CEP164: variants seen among roughly 807,000 people sequenced by gnomAD.
CEP164 encodes the protein centrosomal protein of 164 kDa.
A neutral mutation model predicts 182.7 loss-of-function variants in CEP164; 162 were observed. That is an observed-to-expected ratio of 0.89 (90% CI 0.78 to 1.01). CEP164 has a LOEUF of 1.01. Among genes scored for constraint, CEP164 ranks in the 50% least tolerant of loss-of-function variants. The pLI is 0.00. For missense variants in CEP164, 1,735 were observed against 1,790.4 expected (o/e 0.97, Z 0.56); for synonymous variants, 661 against 690.0 (o/e 0.96, Z 0.66).
rs117754274 is a variant in CEP164, at chr11:117,354,531, G to C, written c.393+2543G>C. On this transcript the variant is annotated intron_variant, in intron 5 of 32. Coordinates refer to ENST00000278935, the MANE Select transcript of CEP164 (RefSeq NM_014956.5). Reference sequence around the variant, plus strand: ...TGGGTCTTTGTGACGCCTCTTCTCTGTCACATGCACAATATAGTACCCCGA... The same window carrying C: ...TGGGTCTTTGTGACGCCTCTTCTCTCTCACATGCACAATATAGTACCCCGA... Among the ~76,000 whole-genome samples the C allele has an allele frequency of 9.4e-3, 1,426 of 152,178 alleles. 9 individuals carry two copies. The highest frequency in any genetic ancestry group is 0.015 in the Non-Finnish European group (998 of 68,016).
chr11:117,334,185 G>A (rs1020370134), intron 1 of CEP164, among the ~76,000 whole-genome samples: 2 of 152,156 alleles, frequency 1.3e-5, no homozygotes, highest in South Asian at 2.1e-4. Flanking sequence ...CATCTCTAGC[G>A]CCTAGAAATA....
At chr11:117,347,998 C>T (rs918805083) in intron 4 of CEP164, among the ~76,000 whole-genome samples, 5 of 151,980 alleles carry the variant, frequency 3.3e-5, no homozygotes, top group African/African-American at 1.2e-4. Context: ...GAGATAGAGT[C>T]TTGCTCTGTC....
chr11:117,345,634 C>T lies in CEP164; in HGVS notation c.194+1357C>T, dbSNP rs548336706. On this transcript the variant is annotated intron_variant, in intron 4 of 32. Transcript: ENST00000278935. ...ATTACAGTTGTCGCCTTACTGTCAG[C>T]TGAAGAATCACAGTCCTTCTAGCTT... Among the ~76,000 whole-genome samples the T allele has an allele frequency of 2.7e-5, 4 of 146,758 alleles. No individual in the cohort carries two copies. In the South Asian group the frequency reaches 8.7e-4, roughly 32 times the overall value.
At chr11:117,329,627 A>T (rs2035873785) in intron 1 of CEP164, among the ~76,000 whole-genome samples, 1 of 152,078 alleles carries the variant, frequency 6.6e-6, no homozygotes, top group Non-Finnish European at 1.5e-5. Flanking sequence ...CTGCAGTCTC[A>T]GTCTCCTGGG....
chr11:117,349,290 C>T (rs1003951620), intron 4 of CEP164, among the ~76,000 whole-genome samples: 1 of 152,132 alleles, frequency 6.6e-6, no homozygotes, highest in African/African-American at 2.4e-5. Flanking sequence ...CAGGTGTGAA[C>T]CACTGTGCCC....
intron 9 of CEP164, among the ~76,000 whole-genome samples, 168 bp from the exon 10 acceptor site, chr11:117,373,583 G>T (rs2042436483): frequency 6.6e-6 from 1 of 152,366 alleles, no homozygotes; most frequent in Middle Eastern, 3.4e-3. Context: ...CACATGTCCA[G>T]AGAGAATGGC....
intron 1 of CEP164, 39 bp from the exon 2 acceptor site, chr11:117,335,565 AG>A (rs1204376146): frequency 6.8e-6 from 1 of 146,652 alleles, no homozygotes; most frequent in African/African-American, 2.5e-5. Flanking sequence ...TTTCCTTTCT[AG>A]GCCAGATCTT....
chr11:117,358,772 T>A (rs542270396), intron 5 of CEP164, among the ~76,000 whole-genome samples: 21 of 152,072 alleles, frequency 1.4e-4, no homozygotes, highest in Admixed American at 4.6e-4. Context: ...GGCCTAAAAG[T>A]GATCCTCCTG....
At chr11:117,339,046 G>A (rs892656783) in intron 3 of CEP164, among the ~76,000 whole-genome samples, 1 of 152,026 alleles carries the variant, frequency 6.6e-6, no homozygotes, top group African/African-American at 2.4e-5. Flanking sequence ...TCGAACTCCC[G>A]ACCTCAAGCG....
At position 117,348,264 on chromosome 11, in the gene CEP164, G is replaced by A. The variant is rs544784074; in HGVS notation, c.195-3526G>A. Among the ~76,000 whole-genome samples, 61 of 152,016 alleles carry A rather than the reference G, an allele frequency of 4.0e-4. 1 individual carries two copies. The highest frequency in any genetic ancestry group is 6.0e-4 in the Non-Finnish European group (41 of 67,986). On this transcript the variant is annotated intron_variant, in intron 4 of 32. Transcript: ENST00000278935. ...TGGGGTTACAGGCATGAGCCACAGC[G>A]CCCAGCCTAGAAATATTATCAATTA...
intron 11 of CEP164, among the ~76,000 whole-genome samples, chr11:117,376,468 T>G (rs1302382173): frequency 6.6e-6 from 1 of 152,240 alleles, no homozygotes; most frequent in Non-Finnish European, 1.5e-5. Flanking sequence ...AAGAAGACTT[T>G]TCTTTTTCTT....
intron 20 of CEP164, among the ~76,000 whole-genome samples, chr11:117,393,678 A>G (rs1425328063): frequency 6.6e-5 from 10 of 152,252 alleles, no homozygotes; most frequent in Admixed American, 3.9e-4. Context: ...CCTCACTGCA[A>G]TGCTGTGTCA....
rs1443420566 is a variant in CEP164 at position 117,412,170 on chromosome 11, G to T, written c.*2G>T. 1.2e-6 allele frequency: 2 copies of T among 1,613,508 alleles called. No homozygotes were observed. Among genetic ancestry groups the T allele is most frequent in the Middle Eastern group, 1.6e-4 (1 of 6,082 alleles). On this transcript the variant is annotated 3_prime_UTR_variant, in exon 33 of 33. Transcript: ENST00000278935. Reference sequence around the variant, plus strand: ...AGAGTGAAGGTGTATCGCTTCTGAGGCCCTGAGCAGGGGCTTGGGGCAGCC... The same window carrying T: ...AGAGTGAAGGTGTATCGCTTCTGAGTCCCTGAGCAGGGGCTTGGGGCAGCC...
At position 117,404,491 on chromosome 11, in the gene CEP164, C is replaced by G. The variant is rs181952885; in HGVS notation, c.3502-3434C>G. Among the ~76,000 whole-genome samples, 325 of 152,352 alleles carry G rather than the reference C, an allele frequency of 2.1e-3. 1 individual carries two copies. Among genetic ancestry groups the G allele is most frequent in the Non-Finnish European group, 3.4e-3 (229 of 68,030 alleles). On this transcript the variant is annotated intron_variant, in intron 27 of 32. Transcript: ENST00000278935. Reference sequence around the variant, plus strand: ...GATATCACCAGCGGAGGCTGCAGAACAGCAAAGATTGCTGCCTTTTCCTTC... The same window carrying G: ...GATATCACCAGCGGAGGCTGCAGAAGAGCAAAGATTGCTGCCTTTTCCTTC...
At chr11:117,395,997 C>T (rs1055738514) in intron 24 of CEP164, 57 bp from the exon 25 acceptor site, 52 of 1,608,010 alleles carry the variant, frequency 3.2e-5, no homozygotes, top group Admixed American at 1.7e-5. Context: ...ACCCACTTCA[C>T]CCCTCCCCCC....
intron 1 of CEP164, among the ~76,000 whole-genome samples, chr11:117,322,757 ATTTTTTTT>A (rs34284352): frequency 3.6e-4 from 17 of 47,764 alleles, no homozygotes; most frequent in African/African-American, 2.0e-3. Flanking sequence ...ATATAGATAG[ATTTTTTTT>A]TTTTTTTTTT....
chr11:117,363,742 A>T (rs955531511), intron 8 of CEP164, among the ~76,000 whole-genome samples: 1 of 140,618 alleles, frequency 7.1e-6, no homozygotes, highest in Non-Finnish European at 1.5e-5. Flanking sequence ...TTATTGTAAT[A>T]CCTAAAACCT....
rs200122409 is a variant in CEP164, at chr11:117,371,449, A to C, written c.1135A>C (p.Ser379Arg). ...KKKASALEEG[S>R]SDASQELEIS... ...GAAGGCTTCTGCTCTGGAAGAGGGCAGTTCAGACGCCAGCCAAGTAAGTCA... is the reference window on the plus strand; with the variant it reads ...GAAGGCTTCTGCTCTGGAAGAGGGCCGTTCAGACGCCAGCCAAGTAAGTCA... The change falls in exon 9 of 33, where the codon AGT becomes CGT. Residue 379 changes from serine to arginine, a missense_variant. By Grantham distance (110) the Ser-to-Arg change is moderately radical. Transcript: ENST00000278935. 6.2e-7 allele frequency: 1 copy of C among 1,609,530 alleles called. No individual in the cohort carries two copies. The highest frequency in any genetic ancestry group is 8.5e-7 in the Non-Finnish European group (1 of 1,178,264).
Position 117,394,411 on chromosome 11 carries a change from G to C in CEP164, c.2678G>C (p.Arg893Thr), listed in dbSNP as rs1441168208. 2 of 1,613,544 alleles carry C rather than the reference G, an allele frequency of 1.2e-6. No homozygotes were observed. The highest frequency in any genetic ancestry group is 2.2e-5 in the East Asian group (1 of 44,868). The change falls in exon 21 of 33, where the codon AGG (arginine) becomes ACG (threonine). Residue 893 changes from arginine (R) to threonine (T), a missense_variant. By Grantham distance (71) the Arg-to-Thr change is moderately conservative. Coordinates refer to ENST00000278935, the MANE Select transcript of CEP164 (RefSeq NM_014956.5). The surrounding 1 kb of genome is among the most constrained non-coding windows in gnomAD (Gnocchi z 4.0). Reference protein sequence around the residue: ...HLTGELERLQRAHERELETVR... With the variant: ...HLTGELERLQTAHERELETVR... ...ACCGGAGAGCTGGAGCGCCTGCAGA[G>C]GGCCCATGAACGAGAACTGGAGACT...
Sources: gnomAD v4.1 joint callset for allele counts (sites outside exome capture counted in the v4.1 genomes callset) on GRCh38, gnomAD v4.1.1 for gene constraint, Gnocchi (gnomAD v3.1) non-coding constraint, MANE v1.5 for transcripts, NCBI Gene and HGNC (gene_info 2026-07-23, HGNC 2026-07-21) for gene names.